STK33: variants seen among roughly 807,000 people sequenced by gnomAD.
STK33 encodes serine/threonine kinase 33, also known as serine/threonine-protein kinase 33.
A neutral mutation model predicts 58.0 loss-of-function variants in STK33; 52 were observed. The observed-to-expected ratio is 0.90, with a 90% CI of 0.72 to 1.13. The LOEUF (loss-of-function observed/expected upper bound fraction) is 1.13. Ranked by LOEUF, STK33 falls within the 50% of genes most tolerant of loss-of-function variation. STK33 has a pLI of 0.00. For missense variants in STK33, 630 were observed against 604.2 expected (o/e 1.04, Z -0.45); for synonymous variants, 215 against 200.1 (o/e 1.07, Z -0.63).
chr11:8,446,549 A>T (rs1018929947), intron 11 of STK33, among the ~76,000 whole-genome samples: 1 of 152,068 alleles, frequency 6.6e-6, no homozygotes, highest in African/African-American at 2.4e-5. Context: ...GAGGCATCAT[A>T]CTACCTGACT....
chr11:8,358,445 C>T, the STK33 span, among the ~76,000 whole-genome samples: 2 of 152,202 alleles, frequency 1.3e-5, no homozygotes, highest in Non-Finnish European at 2.9e-5. Context: ...CAGCCAAGGG[C>T]AGGGGCTGAG....
At chr11:8,352,741 T>C in the STK33 span, among the ~76,000 whole-genome samples, 1 of 152,188 alleles carries the variant, frequency 6.6e-6, no homozygotes, top group African/African-American at 2.4e-5. Flanking sequence ...GCAATTAATA[T>C]AAAAGCAGAT....
At chr11:8,523,779 A>G (rs1366040482) in intron 1 of STK33, among the ~76,000 whole-genome samples, 3 of 152,018 alleles carry the variant, frequency 2.0e-5, no homozygotes, top group Admixed American at 2.0e-4. Flanking sequence ...CTGGGAAGTG[A>G]GGAGCCCCTC....
intron 1 of STK33, among the ~76,000 whole-genome samples, chr11:8,491,740 A>G (rs1051620906): frequency 5.3e-5 from 8 of 152,228 alleles, no homozygotes; most frequent in African/African-American, 1.9e-4. Context: ...GACTAACAGC[A>G]GATCTCTCAG....
rs1299138007 is a variant in STK33 at position 8,560,866 on chromosome 11, T to C, written c.-466+33217A>G. 4.6e-5 allele frequency among the ~76,000 whole-genome samples: 7 copies of C among 152,162 alleles called. No individual in the cohort carries two copies. In the East Asian group the frequency reaches 7.7e-4, roughly 17 times the overall value. ...AGAATTAAACTCATCTGAGAATGCA[T>C]AGCTGCTATGTGGCAGTGCCTAGAT... On this transcript the variant is annotated intron_variant, in intron 1 of 15. Coordinates refer to ENST00000687296, the MANE Select transcript of STK33 (RefSeq NM_001352389.2).
chr11:8,389,115 T>C (rs1848583928), downstream of STK33, among the ~76,000 whole-genome samples: 1 of 152,174 alleles, frequency 6.6e-6, no homozygotes, highest in Non-Finnish European at 1.5e-5. Flanking sequence ...TAACAGAGAC[T>C]GTTCATAAAG....
chr11:8,499,351 C>T (rs935124703), intron 1 of STK33, among the ~76,000 whole-genome samples: 1 of 152,112 alleles, frequency 6.6e-6, no homozygotes, highest in Admixed American at 6.5e-5. Flanking sequence ...TAGAGAAACG[C>T]AAATCAAAAC....
intron 1 of STK33, among the ~76,000 whole-genome samples, chr11:8,507,611 CTAAA>C (rs1951961586): frequency 6.6e-6 from 1 of 151,972 alleles, no homozygotes; most frequent in Non-Finnish European, 1.5e-5. Flanking sequence ...TTAAAGAAGA[CTAAA>C]TAAGGGGGAT....
At chr11:8,580,688 T>C (rs1202579421) in intron 1 of STK33, 1 of 152,202 alleles carries the variant, frequency 6.6e-6, no homozygotes, top group Admixed American at 6.5e-5. Flanking sequence ...TTCCATGATG[T>C]GATTACTATG....
At chr11:8,574,502 G>C (rs1327087932) in intron 1 of STK33, among the ~76,000 whole-genome samples, 2 of 151,992 alleles carry the variant, frequency 1.3e-5, no homozygotes, top group African/African-American at 4.8e-5. Flanking sequence ...TTTCAACCAA[G>C]AAAACTCTAG....
At chr11:8,451,097 T>C (rs1946219267) in intron 11 of STK33, among the ~76,000 whole-genome samples, 1 of 152,188 alleles carries the variant, frequency 6.6e-6, no homozygotes, top group Non-Finnish European at 1.5e-5. Flanking sequence ...TTGTCGAAGA[T>C]ATGGAGAAAC....
At chr11:8,573,006 T>C (rs1208909597) in intron 1 of STK33, among the ~76,000 whole-genome samples, 1 of 151,952 alleles carries the variant, frequency 6.6e-6, no homozygotes, top group Non-Finnish European at 1.5e-5. Flanking sequence ...TTTCTAAACA[T>C]GACAAAAACT....
chr11:8,419,333 TAG>T (rs559761880), intron 14 of STK33, among the ~76,000 whole-genome samples: 1 of 152,190 alleles, frequency 6.6e-6, no homozygotes, highest in Non-Finnish European at 1.5e-5. Context: ...ATTTATCGAA[TAG>T]AAAGTCCTTT....
the STK33 span, among the ~76,000 whole-genome samples, chr11:8,367,423 G>A: frequency 1.3e-5 from 2 of 152,192 alleles, no homozygotes; most frequent in Admixed American, 1.3e-4. Context: ...TGAGATATGG[G>A]GACCACAGGC....
intron 1 of STK33, among the ~76,000 whole-genome samples, chr11:8,529,263 TC>T (rs1185895322): frequency 1.3e-5 from 2 of 152,156 alleles, no homozygotes; most frequent in Non-Finnish European, 2.9e-5. Context: ...TTCTCCTAAC[TC>T]CAAACTAACT....
At chr11:8,499,120 G>A in intron 1 of STK33, among the ~76,000 whole-genome samples, 1 of 152,114 alleles carries the variant, frequency 6.6e-6, no homozygotes, top group Non-Finnish European at 1.5e-5. Context: ...CACAGCAAAA[G>A]AAACTATCCT....
At chr11:8,428,663 T>C (rs1228169325) in intron 14 of STK33, among the ~76,000 whole-genome samples, 1 of 152,036 alleles carries the variant, frequency 6.6e-6, no homozygotes, top group Non-Finnish European at 1.5e-5. Flanking sequence ...CTTATTTATA[T>C]AAGGTTCTCA....
At chr11:8,370,681 ACTG>A in the STK33 span, among the ~76,000 whole-genome samples, 1 of 151,532 alleles carries the variant, frequency 6.6e-6, no homozygotes, top group African/African-American at 2.4e-5. Flanking sequence ...CAAAAAATCA[ACTG>A]CTGAAGTTGC....
intron 1 of STK33, among the ~76,000 whole-genome samples, chr11:8,553,174 A>ATATATATATATATATGGTG (rs1956436056): frequency 1.5e-5 from 1 of 67,834 alleles, no homozygotes. Flanking sequence ...TAAAATATAT[A>ATATATATATATATATGGTG]TATATATATA....
Sources: allele counts gnomAD v4.1 joint callset (sites outside exome capture counted in the v4.1 genomes callset), GRCh38; gene constraint gnomAD v4.1.1; transcripts MANE v1.5; gene names NCBI Gene and HGNC (gene_info 2026-07-23, HGNC 2026-07-21).